GON4L: variants seen among roughly 807,000 people sequenced by gnomAD.
GON4L encodes the protein GON-4-like protein.
In GON4L, 87 loss-of-function variants were observed where a neutral mutation model predicts 211.8. The ratio of observed to expected loss-of-function variants is 0.41; its 90% CI spans 0.35 to 0.49. The LOEUF is 0.49. Among genes scored for constraint, GON4L ranks in the 20% least tolerant of loss-of-function variants. The pLI is 0.15. For missense variants in GON4L, 2,155 were observed against 2,659.5 expected, an observed-to-expected ratio of 0.81 and a Z score of 4.17; for synonymous variants, 875 against 962.6, an observed-to-expected ratio of 0.91 and a Z score of 1.68.
chr1:155,849,879 C>T (rs1671622313), intron 2 of GON4L, among the ~76,000 whole-genome samples: 1 of 150,520 alleles, frequency 6.6e-6, no homozygotes, highest in African/African-American at 2.4e-5. Context: ...ATTCTTATCT[C>T]CTTACTATTT....
chr1:155,762,855 G>A (rs1198147430), intron 22 of GON4L, among the ~76,000 whole-genome samples: 1 of 152,170 alleles, frequency 6.6e-6, no homozygotes, highest in African/African-American at 2.4e-5. Context: ...GACCAACATG[G>A]TAAAACCCCA....
At chr1:155,793,867 C>T (rs1279483630) in intron 12 of GON4L, among the ~76,000 whole-genome samples, 1 of 152,194 alleles carries the variant, frequency 6.6e-6, no homozygotes, top group Non-Finnish European at 1.5e-5. Flanking sequence ...GCCCCAGCCT[C>T]CCAAAGTGCT....
In GON4L at chr1:155,763,401, T is replaced by A; in HGVS notation, c.4637A>T (p.Asp1546Val). The A allele has an allele frequency of 6.2e-7, 1 of 1,604,522 alleles. No homozygotes were observed. Among genetic ancestry groups the A allele is most frequent in the Non-Finnish European group, 8.5e-7 (1 of 1,175,500 alleles). Residue 1546 changes from aspartate (D) to valine (V), a missense_variant, in exon 22 of 32, where the codon GAT (aspartate) becomes GTT (valine). This residue lies in a region of GON4L where 455 missense variants were observed against 504.6 expected (regional missense o/e 0.90). Coordinates refer to ENST00000368331, the MANE Select transcript of GON4L (RefSeq NM_001282860.2). ...CTCAGCAGAGTCTCCAACTGCTTCA[T>A]CCGTCATTTCATCCTCTTTCTGCAG... ...ESLQKEDEMT[D>V]EAVGDSAEKP...
chr1:155,754,958 G>C (rs1286127837), intron 27 of GON4L, among the ~76,000 whole-genome samples: 1 of 144,566 alleles, frequency 6.9e-6, no homozygotes, highest in Non-Finnish European at 1.5e-5. Context: ...CCAGGCTAGA[G>C]TGCAGTGTCA....
chr1:155,798,782 T>C (rs1410250685), intron 11 of GON4L, among the ~76,000 whole-genome samples: 2 of 151,694 alleles, frequency 1.3e-5, no homozygotes, highest in Admixed American at 6.6e-5. Flanking sequence ...TAATAATGAG[T>C]AGTGTGCACA....
intron 12 of GON4L, among the ~76,000 whole-genome samples, chr1:155,791,883 A>G (rs1422070263): frequency 2.3e-5 from 2 of 87,472 alleles, no homozygotes; most frequent in African/African-American, 9.3e-5. Context: ...ATAACATAAC[A>G]TAACATAACA....
chr1:155,852,838 C>A (rs112685832), intron 2 of GON4L, among the ~76,000 whole-genome samples: 10,800 of 150,904 alleles, frequency 0.072, 535 homozygotes, highest in Non-Finnish European at 0.11. Flanking sequence ...GCTGGCCAGG[C>A]ACGGTGGCTC....
chr1:155,764,031 A>C (rs1193723805), intron 21 of GON4L, among the ~76,000 whole-genome samples: 1 of 151,934 alleles, frequency 6.6e-6, no homozygotes, highest in African/African-American at 2.4e-5. Context: ...AACAAAAAAA[A>C]AACACAGAAA....
Position 155,853,565 on chromosome 1 carries a change from A to T in GON4L, c.216T>A (p.Gly72=), listed in dbSNP as rs1243595527. The T allele has an allele frequency of 6.2e-7, 1 of 1,614,122 alleles. No homozygotes were observed. Among genetic ancestry groups the T allele is most frequent in the Admixed American group, 1.7e-5 (1 of 60,022 alleles). Residue 72 remains glycine, a synonymous_variant, in exon 2 of 32, where the codon GGT becomes GGA. Transcript: ENST00000368331. ...QSLQDAGNQL[G]MEDTSLSSGM... ...CAGAGCTCAGAGATGTATCCTCCAT[A>T]CCAAGCTGATTTCCTGCATCCTGCA...
At chr1:155,787,788 A>G (rs79718979) in intron 12 of GON4L, among the ~76,000 whole-genome samples, 3,906 of 151,920 alleles carry the variant, frequency 0.026, 171 homozygotes, top group African/African-American at 0.087. Context: ...ATAAATAAAT[A>G]AATAAATTAG....
Position 155,833,757 on chromosome 1 carries a change from AGGAAG to A in GON4L, c.506-6734_506-6730del, listed in dbSNP as rs1169944458. On this transcript the variant is annotated intron_variant, in intron 2 of 31. Coordinates refer to ENST00000368331, the MANE Select transcript of GON4L (RefSeq NM_001282860.2). ...GGAGAGGGGAGGAGAGGAGGAGGGG[AGGAAG>A]GGAGGAGGGGAGGAGGGGGATGGGG... 1.2e-3 allele frequency among the ~76,000 whole-genome samples: 86 copies of A among 71,734 alleles called. 2 individuals carry two copies. Among genetic ancestry groups the A allele is most frequent in the African/African-American group, 4.9e-3 (82 of 16,748 alleles). The allele number at this position is 71,734 out of a possible 152,430, so 47.1% of individuals were successfully genotyped here.
chr1:155,772,937 T>C (rs1334879625), intron 18 of GON4L, 129 bp downstream of exon 18: 5 of 1,240,256 alleles, frequency 4.0e-6, no homozygotes, highest in African/African-American at 3.0e-5. Context: ...CTCATCTATA[T>C]TGCTTTTCCT....
At position 155,750,495 on chromosome 1, in the gene GON4L, C is replaced by T. The variant is rs796196613; in HGVS notation, c.*89G>A. The T allele has an allele frequency of 1.7e-5, 19 of 1,102,730 alleles. No homozygotes were observed. In the African/African-American group the frequency reaches 2.6e-4, roughly 15 times the overall value. 68.3% of individuals were successfully genotyped at this position (1,102,730 alleles called of 1,614,324 possible). A position where few individuals can be genotyped will look rare whatever the true frequency, so the allele number is the denominator to read the frequency against. ...GCTCTCCAGATCTGTAAACTGGGCT[C>T]AAGGACTGTACAAGCAGAGTACAAC... On this transcript the variant is annotated 3_prime_UTR_variant, in exon 32 of 32. Transcript: ENST00000368331.
chr1:155,748,621 C>A (rs1175283144), downstream of GON4L: 1 of 1,613,256 alleles, frequency 6.2e-7, no homozygotes, highest in East Asian at 2.2e-5. Context: ...ACAGCAGGAG[C>A]AATCATCCCT....
At chr1:155,845,416 G>T in intron 2 of GON4L, 1 of 335,576 alleles carries the variant, frequency 3.0e-6, no homozygotes. Context: ...TCCACCCCCA[G>T]GTACTGCTCA....
chr1:155,804,338 T>G lies in GON4L; in HGVS notation c.1645+611A>C, dbSNP rs1360907017. Among the ~76,000 whole-genome samples, 11 of 152,202 alleles carry G rather than the reference T, an allele frequency of 7.2e-5. No individual in the cohort carries two copies. In the East Asian group the frequency reaches 2.1e-3, roughly 29 times the overall value. On this transcript the variant is annotated intron_variant, in intron 11 of 31. Transcript: ENST00000368331. Reference sequence around the variant, plus strand: ...CTACAGTGAGCTATGATCACCCCACTGTGATCCACCCTGGGCAACACCCTG... The same window carrying G: ...CTACAGTGAGCTATGATCACCCCACGGTGATCCACCCTGGGCAACACCCTG...
chr1:155,747,721 C>T, downstream of GON4L: 1 of 1,613,914 alleles, frequency 6.2e-7, no homozygotes, highest in Non-Finnish European at 8.5e-7. Context: ...GGAAGCTCTT[C>T]TCATCCTGCT....
At chr1:155,802,328 TTTAA>T (rs1333589597) in intron 11 of GON4L, among the ~76,000 whole-genome samples, 2 of 148,644 alleles carry the variant, frequency 1.3e-5, no homozygotes, top group Non-Finnish European at 3.0e-5. Context: ...GGGGGAAGGC[TTTAA>T]TTGTTTTATT....
At chr1:155,842,306 C>T (rs1009567694) in intron 2 of GON4L, among the ~76,000 whole-genome samples, 1 of 151,866 alleles carries the variant, frequency 6.6e-6, no homozygotes, top group Non-Finnish European at 1.5e-5. Flanking sequence ...GAGTGGATTA[C>T]GAGATCAGGA....
Sources: gnomAD v4.1 joint callset for allele counts (sites outside exome capture counted in the v4.1 genomes callset) on GRCh38, gnomAD v4.1.1 for gene constraint, gnomAD v4.1.1 regional missense constraint, MANE v1.5 for transcripts, NCBI Gene and HGNC (gene_info 2026-07-23, HGNC 2026-07-21) for gene names.